Variants in NOL4 observed in about 807,000 individuals in gnomAD.
NOL4 encodes cancer/testis antigen 125.
A neutral mutation model predicts 75.9 loss-of-function variants in NOL4; 17 were observed. The observed-to-expected ratio is 0.22, with a 90% confidence interval of 0.15 to 0.34. NOL4 has a LOEUF of 0.34. NOL4 is among the 10% of genes least tolerant of loss of function. NOL4 has a pLI of 1.00. For missense variants in NOL4, 614 were observed against 793.5 expected (o/e 0.77, Z 2.72); for synonymous variants, 292 against 289.9 (o/e 1.01, Z -0.07).
intron 6 of NOL4, among the ~76,000 whole-genome samples, chr18:33,980,710 C>G (rs1364528658): frequency 6.6e-6 from 1 of 151,926 alleles, no homozygotes; most frequent in African/African-American, 2.4e-5. Flanking sequence ...GCTTCCCCTC[C>G]CATGAAACAT....
intron 1 of NOL4, chr18:34,220,902 A>G (rs1283643515): frequency 1.3e-5 from 2 of 152,154 alleles, no homozygotes; most frequent in East Asian, 1.9e-4. Flanking sequence ...TTGTCACTCT[A>G]TACTAGATGT....
intron 1 of NOL4, among the ~76,000 whole-genome samples, chr18:34,173,443 T>A (rs1307691706): frequency 6.6e-6 from 1 of 152,148 alleles, no homozygotes; most frequent in Non-Finnish European, 1.5e-5. Context: ...GTGGATATGT[T>A]AACTTGACTA....
At chr18:34,092,763 A>T (rs1046359700) in intron 5 of NOL4, among the ~76,000 whole-genome samples, 6 of 152,210 alleles carry the variant, frequency 3.9e-5, no homozygotes, top group African/African-American at 1.4e-4. Context: ...ACTTGTATAC[A>T]TAATTGTATA....
intron 9 of NOL4, among the ~76,000 whole-genome samples, chr18:33,914,526 A>G (rs1408697856): frequency 3.9e-5 from 6 of 152,108 alleles, no homozygotes; most frequent in Admixed American, 3.9e-4. Context: ...GCAACATATA[A>G]ACAACAGACT....
chr18:34,075,262 T>C (rs889968996), intron 5 of NOL4, among the ~76,000 whole-genome samples: 6 of 152,208 alleles, frequency 3.9e-5, no homozygotes, highest in African/African-American at 1.4e-4. Context: ...ACACCTTGTA[T>C]ACAGAGCCTG....
At chr18:33,889,204 C>A (rs2064950524) in intron 9 of NOL4, among the ~76,000 whole-genome samples, 1 of 152,042 alleles carries the variant, frequency 6.6e-6, no homozygotes, top group African/African-American at 2.4e-5. Flanking sequence ...ACTGATCCCA[C>A]AGAAATAGAA....
At chr18:33,873,499 C>T (rs2063792033) in intron 10 of NOL4, among the ~76,000 whole-genome samples, 1 of 151,986 alleles carries the variant, frequency 6.6e-6, no homozygotes, top group South Asian at 2.1e-4. Context: ...AGATATTTCT[C>T]TAAAACGTTT....
intron 9 of NOL4, among the ~76,000 whole-genome samples, chr18:33,886,873 ATATATCTATATATCTAGATATAT>A (rs1382501182): frequency 1.4e-5 from 2 of 141,562 alleles, no homozygotes; most frequent in Non-Finnish European, 3.0e-5. Context: ...CTATATACAT[ATATATCTATATATCTAGATATAT>A]TATATCTAGA....
chr18:34,059,565 T>G lies in NOL4; in HGVS notation c.772+33900A>C, dbSNP rs375301129. Among the ~76,000 whole-genome samples the G allele has an allele frequency of 9.2e-5, 14 of 152,280 alleles. 1 individual carries two copies. The South Asian group carries it at 1.9e-3, about 20-fold the overall frequency. On this transcript the variant is annotated intron_variant, in intron 5 of 10. Coordinates refer to ENST00000261592, the MANE Select transcript of NOL4 (RefSeq NM_003787.5). ...AGTACCTTGTGTATATTGTAAACAC[T>G]GTCGCTTGGGATCACTAGCTTCCAA... is the stretch of plus-strand genomic sequence containing the variant.
chr18:34,025,101 T>C (rs2075277902), intron 5 of NOL4, among the ~76,000 whole-genome samples: 1 of 152,172 alleles, frequency 6.6e-6, no homozygotes, highest in Non-Finnish European at 1.5e-5. Context: ...TTTAATCTCA[T>C]TTTATAAAAA....
At chr18:33,983,621 T>C (rs572147209) in intron 6 of NOL4, among the ~76,000 whole-genome samples, 53 of 152,146 alleles carry the variant, frequency 3.5e-4, no homozygotes, top group African/African-American at 1.2e-3. Flanking sequence ...TGCACACATA[T>C]ACACATATAT....
intron 5 of NOL4, among the ~76,000 whole-genome samples, chr18:34,042,512 A>C (rs1203704822): frequency 6.6e-6 from 1 of 152,006 alleles, no homozygotes. Flanking sequence ...AAAGTGTAGG[A>C]GAGGTAGCAT....
At chr18:34,005,342 TC>T (rs2073977524) in intron 6 of NOL4, among the ~76,000 whole-genome samples, 1 of 152,062 alleles carries the variant, frequency 6.6e-6, no homozygotes, top group South Asian at 2.1e-4. Flanking sequence ...CTTCCTGTTT[TC>T]TGGCTCTCTG....
At chr18:34,119,547 C>G (rs1312702659) in intron 2 of NOL4, among the ~76,000 whole-genome samples, 1 of 152,168 alleles carries the variant, frequency 6.6e-6, no homozygotes, top group Admixed American at 6.5e-5. Context: ...TCTTCCCACC[C>G]GTTCATCTAC....
intron 9 of NOL4, among the ~76,000 whole-genome samples, chr18:33,911,070 T>G (rs188070361): frequency 6.6e-6 from 1 of 152,238 alleles, no homozygotes; most frequent in Admixed American, 6.5e-5. Context: ...GCACCCATGA[T>G]TTTTAGTGTT....
intron 9 of NOL4, among the ~76,000 whole-genome samples, chr18:33,918,697 A>G (rs992906173): frequency 4.6e-5 from 7 of 152,188 alleles, no homozygotes; most frequent in Admixed American, 3.9e-4. Context: ...TTTAATTTTT[A>G]ATGCAAAAAT....
intron 6 of NOL4, among the ~76,000 whole-genome samples, chr18:33,964,248 G>A (rs913161644): frequency 6.6e-6 from 1 of 152,046 alleles, no homozygotes; most frequent in East Asian, 1.9e-4. Flanking sequence ...GAGTTACACT[G>A]AAGATGATTT....
chr18:34,074,441 A>G (rs2145306679), intron 5 of NOL4, among the ~76,000 whole-genome samples: 1 of 152,062 alleles, frequency 6.6e-6, no homozygotes, highest in African/African-American at 2.4e-5. Flanking sequence ...AAAAATACAT[A>G]CACTAAGAAA....
chr18:34,015,417 A>C (rs200925145), intron 6 of NOL4, among the ~76,000 whole-genome samples: 1 of 151,996 alleles, frequency 6.6e-6, no homozygotes. Flanking sequence ...ACTTCATCTA[A>C]GGATCGCTTA....
Sources: allele counts gnomAD v4.1 joint callset (sites outside exome capture counted in the v4.1 genomes callset), GRCh38; gene constraint gnomAD v4.1.1; transcripts MANE v1.5; gene names NCBI Gene and HGNC (gene_info 2026-07-23, HGNC 2026-07-21).